The following DAPK2 variants were observed in gnomAD, a reference collection of about 807,000 sequenced individuals.
DAPK2 encodes the protein death associated protein kinase 2.
In DAPK2, 35 loss-of-function variants were observed where a neutral mutation model predicts 44.1. That is an observed-to-expected ratio of 0.79 (90% CI 0.61 to 1.05). DAPK2 has a LOEUF of 1.05. DAPK2 is among the 50% of genes least tolerant of loss of function. The pLI, the probability that DAPK2 is intolerant of heterozygous loss-of-function variation, is 0.00. For missense variants in DAPK2, 453 were observed against 483.2 expected, an observed-to-expected ratio of 0.94 and a Z score of 0.59; for synonymous variants, 174 against 182.6, an observed-to-expected ratio of 0.95 and a Z score of 0.38.
intron 3 of DAPK2, among the ~76,000 whole-genome samples, chr15:63,970,257 T>G (rs2140731240): frequency 6.6e-6 from 1 of 152,376 alleles, no homozygotes; most frequent in South Asian, 2.1e-4. Flanking sequence ...CTTCCTGCAC[T>G]GTTCCTGGCT....
At chr15:63,950,060 C>T (rs775830037) in intron 3 of DAPK2, among the ~76,000 whole-genome samples, 10 of 152,136 alleles carry the variant, frequency 6.6e-5, no homozygotes, top group East Asian at 1.9e-4. Flanking sequence ...CTTGCCAGTT[C>T]GATTTCTACC....
intron 1 of DAPK2, among the ~76,000 whole-genome samples, chr15:63,996,729 A>C (rs1420914629): frequency 6.6e-6 from 1 of 152,224 alleles, no homozygotes; most frequent in Admixed American, 6.5e-5. Flanking sequence ...AGCTTAGCCC[A>C]TTTCACAGAC....
intron 2 of DAPK2, among the ~76,000 whole-genome samples, chr15:63,976,123 G>T (rs1252763976): frequency 6.6e-6 from 1 of 152,142 alleles, no homozygotes; most frequent in Non-Finnish European, 1.5e-5. Context: ...GATATGCTGT[G>T]ACTTACAAAA....
At chr15:63,962,390 G>A (rs754785748) in intron 3 of DAPK2, among the ~76,000 whole-genome samples, 27 of 152,202 alleles carry the variant, frequency 1.8e-4, no homozygotes, top group Non-Finnish European at 2.5e-4. Flanking sequence ...TCCATTGCTG[G>A]CGAGGAGCTG....
At chr15:63,956,802 C>T (rs1014141735) in intron 3 of DAPK2, among the ~76,000 whole-genome samples, 6 of 152,004 alleles carry the variant, frequency 3.9e-5, no homozygotes, top group South Asian at 2.1e-4. Flanking sequence ...TTAGCCAGAA[C>T]GGTCTCAATC....
chr15:64,034,501 A>G (rs2080120570), intron 1 of DAPK2, among the ~76,000 whole-genome samples: 1 of 152,220 alleles, frequency 6.6e-6, no homozygotes, highest in Admixed American at 6.5e-5. Flanking sequence ...GGTGTCTTGC[A>G]TACATGAGCC....
At chr15:63,942,349 C>T (rs548393669) in intron 3 of DAPK2, 21 of 504,020 alleles carry the variant, frequency 4.2e-5, no homozygotes, top group African/African-American at 4.0e-4. Flanking sequence ...GTCAGGCGTT[C>T]GAGACCAGCC....
Position 63,980,348 on chromosome 15 carries a change from A to G in DAPK2, c.314+3185T>C, listed in dbSNP as rs2078468866. On this transcript the variant is annotated intron_variant, in intron 2 of 10. Coordinates refer to ENST00000261891, the Ensembl canonical transcript of DAPK2. This position sits in a 1 kb window ranked among gnomAD's most constrained non-coding sequence, Gnocchi z 4.3. Reference sequence around the variant, plus strand: ...AAGCAGGCAATTTCCCCAGCAATTAAAGGCATGCCAATTATAGTAAGAAAG... The same window carrying G: ...AAGCAGGCAATTTCCCCAGCAATTAGAGGCATGCCAATTATAGTAAGAAAG... Among the ~76,000 whole-genome samples, 1 of 152,222 alleles carries G rather than the reference A, an allele frequency of 6.6e-6. No individual in the cohort carries two copies. The highest frequency in any genetic ancestry group is 1.9e-4 in the East Asian group (1 of 5,198).
intron 1 of DAPK2, among the ~76,000 whole-genome samples, chr15:64,015,913 A>G (rs919657056): frequency 2.0e-5 from 3 of 152,220 alleles, no homozygotes; most frequent in Non-Finnish European, 4.4e-5. Context: ...TCCGACCTCT[A>G]CAACTGGGAG....
Position 63,939,316 on chromosome 15 carries a change from T to G in DAPK2, c.499A>C (p.Ile167Leu). ...GCCAGACCAAAGTCAATCAGCTTGA[T>G]GTGTGGAATGGGAATATTCTTGTCT... Residue 167 changes from isoleucine to leucine, a missense_variant, in exon 4 of 11, where the codon ATC (isoleucine) becomes CTC (leucine). Ile to Leu is a conservative substitution (Grantham distance 5). Transcript: ENST00000261891. This position sits in a 1 kb window ranked among gnomAD's most constrained non-coding sequence, Gnocchi z 4.3. The G allele has an allele frequency of 1.2e-6, 2 of 1,613,186 alleles. No homozygotes were observed. The highest frequency in any genetic ancestry group is 1.7e-6 in the Non-Finnish European group (2 of 1,179,898).
exon 7 of DAPK2, chr15:63,925,944 G>T: frequency 6.2e-7 from 1 of 1,614,120 alleles, no homozygotes; most frequent in Non-Finnish European, 8.5e-7. Flanking sequence ...CTCTTACCGG[G>T]TCTCTTTAAC....
chr15:63,961,731 C>T (rs2140639824), intron 3 of DAPK2, among the ~76,000 whole-genome samples: 1 of 152,314 alleles, frequency 6.6e-6, no homozygotes, highest in South Asian at 2.1e-4. Flanking sequence ...TGACGGGCTT[C>T]CCTTTGTGGG....
upstream of DAPK2, among the ~76,000 whole-genome samples, chr15:64,045,142 G>T (rs1032855284): frequency 6.6e-6 from 1 of 152,132 alleles, no homozygotes; most frequent in Non-Finnish European, 1.5e-5. Context: ...CAAGGAGGTG[G>T]GCAGGGTCAG....
At chr15:63,973,314 C>A (rs921809273) in intron 2 of DAPK2, among the ~76,000 whole-genome samples, 6 of 152,204 alleles carry the variant, frequency 3.9e-5, no homozygotes, top group Non-Finnish European at 8.8e-5. Context: ...GGTGTGGGGG[C>A]CAATGTTTGG....
intron 1 of DAPK2, among the ~76,000 whole-genome samples, chr15:64,022,389 G>T (rs2079708951): frequency 6.6e-6 from 1 of 152,212 alleles, no homozygotes; most frequent in African/African-American, 2.4e-5. Context: ...CCTAAAGAGA[G>T]CATTAGCCGG....
intron 1 of DAPK2, among the ~76,000 whole-genome samples, chr15:64,000,101 T>G (rs1188008224): frequency 6.6e-6 from 1 of 152,046 alleles, no homozygotes; most frequent in African/African-American, 2.4e-5. Context: ...AGATGTTTAA[T>G]GTACAGAATA....
At chr15:63,969,110 G>C (rs2078136353) in intron 3 of DAPK2, among the ~76,000 whole-genome samples, 1 of 152,162 alleles carries the variant, frequency 6.6e-6, no homozygotes, top group Non-Finnish European at 1.5e-5. Flanking sequence ...GAAGACTTCT[G>C]TTGGAGGTAT....
At chr15:63,953,704 T>G (rs1718038080) in intron 3 of DAPK2, among the ~76,000 whole-genome samples, 1 of 152,254 alleles carries the variant, frequency 6.6e-6, no homozygotes, top group Non-Finnish European at 1.5e-5. Context: ...CCAAATGTTC[T>G]CCATAGTGGT....
Position 63,923,249 on chromosome 15 carries a change from G to A in DAPK2, c.858+1567C>T. ...ATAGGAGTTGTTGGGAGGCATGCTT[G>A]AGTGGCATTTGAGAGTGTACTCTCT... On this transcript the variant is annotated intron_variant, in intron 8 of 10. Coordinates refer to ENST00000261891, the Ensembl canonical transcript of DAPK2. This position sits in a 1 kb window ranked among gnomAD's most constrained non-coding sequence, Gnocchi z 4.2. 2 of 1,535,920 alleles carry A rather than the reference G, an allele frequency of 1.3e-6. No individual in the cohort carries two copies. The highest frequency in any genetic ancestry group is 1.7e-6 in the Non-Finnish European group (2 of 1,146,736).
Sources: allele counts gnomAD v4.1 joint callset (sites outside exome capture counted in the v4.1 genomes callset), GRCh38; gene constraint gnomAD v4.1.1; non-coding constraint Gnocchi (gnomAD v3.1); transcripts MANE v1.5; gene names NCBI Gene and HGNC (gene_info 2026-07-23, HGNC 2026-07-21).